ADGRL3: variants seen among roughly 807,000 people sequenced by gnomAD.
ADGRL3 encodes the protein adhesion G protein-coupled receptor L3.
A neutral mutation model predicts 153.5 loss-of-function variants in ADGRL3; 62 were observed. The observed-to-expected ratio is 0.40, with a 90% CI of 0.33 to 0.50. The LOEUF (loss-of-function observed/expected upper bound fraction) is 0.50, where lower values mean the gene tolerates loss of function less well. Among genes scored for constraint, ADGRL3 ranks in the 20% least tolerant of loss-of-function variants. The pLI, the probability that ADGRL3 is intolerant of heterozygous loss-of-function variation, is 0.47. For synonymous variants in ADGRL3, 710 were observed against 672.5 expected, an observed-to-expected ratio of 1.06 and a Z score of -0.86; for missense variants, 1,641 against 1,859.4, an observed-to-expected ratio of 0.88 and a Z score of 2.16.
chr4:61,856,976 C>CTT (rs1369257143), intron 9 of ADGRL3, among the ~76,000 whole-genome samples: 1 of 103,240 alleles, frequency 9.7e-6, no homozygotes, highest in African/African-American at 3.5e-5. Context: ...TTCTTTCTTT[C>CTT]TTTCTTTCTT....
chr4:62,013,909 G>T (rs984174865), intron 21 of ADGRL3, among the ~76,000 whole-genome samples: 6 of 141,868 alleles, frequency 4.2e-5, no homozygotes, highest in Non-Finnish European at 9.5e-5. Flanking sequence ...TTTTTTTTTT[G>T]TTTGTTTGTT....
chr4:61,648,405 G>T (rs1430813530), intron 5 of ADGRL3, among the ~76,000 whole-genome samples: 1 of 115,018 alleles, frequency 8.7e-6, no homozygotes, highest in Non-Finnish European at 1.7e-5. Context: ...TGATTTTTCT[G>T]CTAGGCTGTG....
At chr4:62,005,037 A>T (rs1363034732) in intron 21 of ADGRL3, among the ~76,000 whole-genome samples, 1 of 152,162 alleles carries the variant, frequency 6.6e-6, no homozygotes, top group African/African-American at 2.4e-5. Flanking sequence ...TAATGACACT[A>T]CTAGACTTGC....
At chr4:61,619,880 C>A (rs1397618202) in intron 5 of ADGRL3, among the ~76,000 whole-genome samples, 2 of 152,120 alleles carry the variant, frequency 1.3e-5, no homozygotes, top group African/African-American at 4.8e-5. Context: ...TTACTGCTAG[C>A]TAAGCAAAAA....
chr4:61,576,525 C>T (rs1025252547), intron 4 of ADGRL3, among the ~76,000 whole-genome samples: 5 of 149,552 alleles, frequency 3.3e-5, no homozygotes, highest in East Asian at 2.0e-4. Context: ...TTAATGCATT[C>T]CTCATTTACC....
rs1235226193 is a variant in ADGRL3, at chr4:61,904,082, A to G, written c.1888-5478A>G. ...CCATGCCCAGCCTACAAATATTTTT[A>G]TAACCTATTTCACTTCAGTTTTTTT... On this transcript the variant is annotated intron_variant, in intron 11 of 26. Coordinates refer to ENST00000683033, the MANE Select transcript of ADGRL3 (RefSeq NM_001387552.1). 3.3e-5 allele frequency among the ~76,000 whole-genome samples: 5 copies of G among 151,176 alleles called. No homozygotes were observed. In the East Asian group the frequency reaches 5.9e-4, roughly 18 times the overall value.
chr4:61,758,527 G>T (rs1393073036), intron 8 of ADGRL3, among the ~76,000 whole-genome samples: 1 of 151,982 alleles, frequency 6.6e-6, no homozygotes, highest in Non-Finnish European at 1.5e-5. Flanking sequence ...TTTTCCATTT[G>T]CTTGGTAGAT....
chr4:61,742,131 G>A (rs772001335), intron 8 of ADGRL3, among the ~76,000 whole-genome samples: 14 of 152,098 alleles, frequency 9.2e-5, no homozygotes, highest in Admixed American at 2.6e-4. Context: ...GGGTTCCACC[G>A]TAAGAATCCA....
intron 11 of ADGRL3, among the ~76,000 whole-genome samples, chr4:61,901,989 G>A (rs544244265): frequency 2.0e-4 from 31 of 152,268 alleles, no homozygotes; most frequent in African/African-American, 7.2e-4. Flanking sequence ...TGGAATAAAT[G>A]TATTTCAGCC....
intron 21 of ADGRL3, among the ~76,000 whole-genome samples, chr4:62,007,439 T>TAC (rs1231669894): frequency 1.0e-3 from 129 of 124,062 alleles, no homozygotes; most frequent in Middle Eastern, 4.3e-3. Flanking sequence ...TATATATATA[T>TAC]ACACACACAT....
chr4:62,028,250 C>A (rs149512364), intron 21 of ADGRL3, among the ~76,000 whole-genome samples: 2 of 151,578 alleles, frequency 1.3e-5, no homozygotes, highest in Non-Finnish European at 3.0e-5. Context: ...AATAAGCAGG[C>A]GTTGTATGTT....
chr4:62,032,464 T>G (rs892679656), intron 23 of ADGRL3, among the ~76,000 whole-genome samples: 2 of 151,570 alleles, frequency 1.3e-5, no homozygotes, highest in Non-Finnish European at 1.5e-5. Context: ...ATTTAAAAAC[T>G]TATGTGACTT....
chr4:61,424,743 G>C (rs1373217188), intron 2 of ADGRL3, among the ~76,000 whole-genome samples: 1 of 152,150 alleles, frequency 6.6e-6, no homozygotes, highest in African/African-American at 2.4e-5. Context: ...TGGTTAACAG[G>C]AGGAGGGTGA....
intron 17 of ADGRL3, among the ~76,000 whole-genome samples, chr4:61,971,947 A>T (rs372841380): frequency 2.0e-5 from 3 of 152,200 alleles, no homozygotes; most frequent in Admixed American, 1.3e-4. Context: ...TGGCTGCACA[A>T]ATGTCTTCTT....
intron 4 of ADGRL3, among the ~76,000 whole-genome samples, chr4:61,540,801 A>T (rs1466932802): frequency 1.3e-5 from 2 of 152,218 alleles, no homozygotes; most frequent in Non-Finnish European, 2.9e-5. Context: ...AAAAAAATTA[A>T]ATATGTGCAT....
intron 21 of ADGRL3, among the ~76,000 whole-genome samples, chr4:62,010,196 G>T (rs1350553202): frequency 6.6e-6 from 1 of 152,070 alleles, no homozygotes; most frequent in African/African-American, 2.4e-5. Flanking sequence ...CCCAGTGATT[G>T]TGCAGGAGGG....
intron 2 of ADGRL3, among the ~76,000 whole-genome samples, chr4:61,438,021 A>G (rs2097474397): frequency 6.6e-6 from 1 of 152,146 alleles, no homozygotes; most frequent in South Asian, 2.1e-4. Flanking sequence ...TGATTTCCTC[A>G]GGTTTGTGTA....
intron 1 of ADGRL3, among the ~76,000 whole-genome samples, chr4:61,288,342 G>A (rs2094026800): frequency 6.6e-6 from 1 of 150,836 alleles, no homozygotes; most frequent in Non-Finnish European, 1.5e-5. Flanking sequence ...CTTCCAAAGT[G>A]GTCCCTGTGA....
chr4:61,433,306 A>G (rs2097398248), intron 2 of ADGRL3, among the ~76,000 whole-genome samples: 1 of 152,066 alleles, frequency 6.6e-6, no homozygotes, highest in Non-Finnish European at 1.5e-5. Context: ...ATGTTTACCA[A>G]GGAATAGCTT....
Sources: allele counts gnomAD v4.1 joint callset (sites outside exome capture counted in the v4.1 genomes callset), GRCh38; gene constraint gnomAD v4.1.1; transcripts MANE v1.5; gene names NCBI Gene and HGNC (gene_info 2026-07-23, HGNC 2026-07-21).